The following OR7C1 variants were observed in gnomAD, a reference collection of about 807,000 sequenced individuals.
The protein encoded by OR7C1 is olfactory receptor 7C1.
For synonymous variants in OR7C1, 152 were observed against 160.7 expected, an observed-to-expected ratio of 0.95 and a Z score of 0.41; for missense variants, 324 against 383.3, an observed-to-expected ratio of 0.85 and a Z score of 1.29.
chr19:14,821,058 T>C (rs1353610118), intron 1 of OR7C1, among the ~76,000 whole-genome samples: 1 of 152,082 alleles, frequency 6.6e-6, no homozygotes, highest in African/African-American at 2.4e-5. Context: ...GCCAACATGG[T>C]GAAACCCTGT....
chr19:14,826,211 C>T (rs1409241644), intron 1 of OR7C1: 1 of 152,092 alleles, frequency 6.6e-6, no homozygotes, highest in Non-Finnish European at 1.5e-5. Context: ...TTCCCCATTC[C>T]CAGAGGCATG....
At chr19:14,813,715 A>AG (rs2044702582) in intron 1 of OR7C1, among the ~76,000 whole-genome samples, 1 of 142,394 alleles carries the variant, frequency 7.0e-6, no homozygotes, top group Admixed American at 6.8e-5. Flanking sequence ...AGAGAGAGAG[A>AG]AGGGGGGCGT....
intron 1 of OR7C1, among the ~76,000 whole-genome samples, chr19:14,823,892 T>G (rs1405935856): frequency 1.3e-5 from 2 of 151,158 alleles, no homozygotes; most frequent in South Asian, 4.2e-4. Flanking sequence ...GAGATGGTAC[T>G]CTCACTATTG....
At chr19:14,803,307 CAA>C (rs553496845) in intron 2 of OR7C1, among the ~76,000 whole-genome samples, 3 of 83,584 alleles carry the variant, frequency 3.6e-5, no homozygotes, top group Admixed American at 2.8e-4. Context: ...ACTATGTCTC[CAA>C]AAAAAAAAAA....
At chr19:14,801,117 A>G (rs2044639801) in intron 2 of OR7C1, among the ~76,000 whole-genome samples, 1 of 152,170 alleles carries the variant, frequency 6.6e-6, no homozygotes, top group South Asian at 2.1e-4. Flanking sequence ...TTGAGTAGCA[A>G]TGGTCTTGGA....
intron 1 of OR7C1, among the ~76,000 whole-genome samples, chr19:14,820,776 G>A (rs2044737331): frequency 6.6e-6 from 1 of 152,188 alleles, no homozygotes; most frequent in South Asian, 2.1e-4. Flanking sequence ...GGCAGGGGCA[G>A]GATTTTCTAA....
At chr19:14,827,683 G>A (rs747592091) in intron 1 of OR7C1, 1 of 1,614,060 alleles carries the variant, frequency 6.2e-7, no homozygotes, top group South Asian at 1.1e-5. Context: ...GAACAAGCAA[G>A]TTGGATGACC....
At chr19:14,831,184 T>C (rs8109791) in intron 1 of OR7C1, among the ~76,000 whole-genome samples, 70,196 of 152,036 alleles carry the variant, frequency 0.46, 16,841 homozygotes, top group East Asian at 0.81. Flanking sequence ...TAATGATACC[T>C]TTTTTGGCAA....
intron 1 of OR7C1, among the ~76,000 whole-genome samples, chr19:14,818,062 T>TTTTATTTTATTTATTTATTTA (rs1555695178): frequency 1.1e-4 from 15 of 139,464 alleles, no homozygotes; most frequent in African/African-American, 1.9e-4. Flanking sequence ...ATTTTATTTA[T>TTTTATTTTATTTATTTATTTA]TTTATTTATT....
chr19:14,830,417 A>T (rs996642166), intron 1 of OR7C1, among the ~76,000 whole-genome samples: 3 of 152,082 alleles, frequency 2.0e-5, no homozygotes, highest in African/African-American at 7.2e-5. Context: ...AATACATTGC[A>T]AGGGTGCAAC....
At chr19:14,831,453 T>C (rs1037415241) in intron 1 of OR7C1, among the ~76,000 whole-genome samples, 1 of 152,058 alleles carries the variant, frequency 6.6e-6, no homozygotes, top group African/African-American at 2.4e-5. Context: ...TATTTTATTA[T>C]TATTTTTTTG....
At chr19:14,820,913 A>G (rs1404371978) in intron 1 of OR7C1, among the ~76,000 whole-genome samples, 1 of 152,204 alleles carries the variant, frequency 6.6e-6, no homozygotes, top group African/African-American at 2.4e-5. Context: ...AGATCCCACA[A>G]GGAAAAGTGA....
At chr19:14,829,799 G>A (rs1014909359) in intron 1 of OR7C1, among the ~76,000 whole-genome samples, 1 of 152,132 alleles carries the variant, frequency 6.6e-6, no homozygotes, top group African/African-American at 2.4e-5. Context: ...AATATATTGA[G>A]GCCAGGTCCC....
At chr19:14,808,834 C>G (rs909728840) in intron 2 of OR7C1, among the ~76,000 whole-genome samples, 1 of 151,954 alleles carries the variant, frequency 6.6e-6, no homozygotes, top group Non-Finnish European at 1.5e-5. Context: ...GCTTTGTCCT[C>G]GTTAGAACTC....
chr19:14,833,522 T>C (rs1431931892), intron 1 of OR7C1, among the ~76,000 whole-genome samples: 1 of 152,206 alleles, frequency 6.6e-6, no homozygotes, highest in Admixed American at 6.5e-5. Flanking sequence ...ACAGGGAAAC[T>C]ACATATGAAA....
chr19:14,824,750 A>G (rs760889604), intron 1 of OR7C1: 1 of 152,166 alleles, frequency 6.6e-6, no homozygotes, highest in African/African-American at 2.4e-5. Flanking sequence ...CAATAATGGG[A>G]TTTCTGGGTC....
chr19:14,811,449 C>T (rs2044690513), intron 1 of OR7C1, among the ~76,000 whole-genome samples: 1 of 151,878 alleles, frequency 6.6e-6, no homozygotes, highest in Admixed American at 6.6e-5. Flanking sequence ...GACACTGTGT[C>T]ATTGAATTTA....
intron 2 of OR7C1, among the ~76,000 whole-genome samples, chr19:14,806,209 G>T (rs2044666052): frequency 6.6e-6 from 1 of 151,888 alleles, no homozygotes; most frequent in South Asian, 2.1e-4. Context: ...GTTACTGTGT[G>T]TGAGGTCTTT....
At chr19:14,832,442 T>C (rs2044842706) in intron 1 of OR7C1, among the ~76,000 whole-genome samples, 1 of 150,816 alleles carries the variant, frequency 6.6e-6, no homozygotes, top group Admixed American at 6.6e-5. Context: ...TTCTTTTTTT[T>C]TTTTAATGGA....
Sources: gnomAD v4.1 joint callset for allele counts (sites outside exome capture counted in the v4.1 genomes callset) on GRCh38, gnomAD v4.1.1 for gene constraint, MANE v1.5 for transcripts, NCBI Gene and HGNC (gene_info 2026-07-23, HGNC 2026-07-21) for gene names.